Variants in MROH1 observed in about 807,000 individuals in gnomAD.
MROH1 encodes the protein maestro heat like repeat family member 1.
In MROH1, 117 loss-of-function variants were observed where a neutral mutation model predicts 116.5. The observed-to-expected ratio is 1.00, with a 90% CI of 0.86 to 1.17. The LOEUF (loss-of-function observed/expected upper bound fraction) is 1.17, where lower values mean the gene tolerates loss of function less well. MROH1 is among the 50% of genes most tolerant of loss of function. The pLI is 0.00. For missense variants in MROH1, 1,873 were observed against 1,338.5 expected, an observed-to-expected ratio of 1.40 and a Z score of -6.23; for synonymous variants, 921 against 583.9, an observed-to-expected ratio of 1.58 and a Z score of -8.32.
At chr8:144,198,278 T>C (rs1293036788) in intron 10 of MROH1, among the ~76,000 whole-genome samples, 1 of 152,152 alleles carries the variant, frequency 6.6e-6, no homozygotes, top group African/African-American at 2.4e-5. Context: ...AGAGAGACCC[T>C]GTCAGTGCCC....
At chr8:144,208,193 C>T (rs1369087359) in intron 12 of MROH1, among the ~76,000 whole-genome samples, 2 of 152,196 alleles carry the variant, frequency 1.3e-5, no homozygotes, top group East Asian at 1.9e-4. Context: ...ATCCGCCCGC[C>T]TCGGCCTCCC....
At chr8:144,246,369 A>G (rs1466607746) in intron 29 of MROH1, among the ~76,000 whole-genome samples, 3 of 151,850 alleles carry the variant, frequency 2.0e-5, no homozygotes. Flanking sequence ...ACCTCAAGTG[A>G]TCTGCCCACC....
intron 14 of MROH1, among the ~76,000 whole-genome samples, chr8:144,226,551 C>T (rs1460525578): frequency 6.6e-6 from 1 of 152,194 alleles, no homozygotes; most frequent in African/African-American, 2.4e-5. Flanking sequence ...CTCCCAGGTT[C>T]AAGCAATTCT....
intron 14 of MROH1, among the ~76,000 whole-genome samples, chr8:144,232,560 C>G (rs1205000197): frequency 6.6e-6 from 1 of 151,756 alleles, no homozygotes; most frequent in South Asian, 2.1e-4. Context: ...GTGGCGCAAT[C>G]TCAGCTCACG....
At chr8:144,206,998 G>A (rs939572374) in intron 12 of MROH1, among the ~76,000 whole-genome samples, 4 of 150,988 alleles carry the variant, frequency 2.6e-5, no homozygotes, top group Admixed American at 2.6e-4. Context: ...GCATCACTGC[G>A]CTCCAGCCTG....
rs563849839 is a variant in MROH1, at chr8:144,182,905, C to T, written c.562+2382C>T. On this transcript the variant is annotated intron_variant, in intron 7 of 43. Coordinates refer to ENST00000326134, the MANE Select transcript of MROH1 (RefSeq NM_032450.3). The surrounding 1 kb of genome is among the most constrained non-coding windows in gnomAD (Gnocchi z 4.1). ...CAGTCTGGCCAACATGGCAAAACCCCGTCTCTACTAAAAATACAAAAAAAT... is the reference window on the plus strand; with the variant it reads ...CAGTCTGGCCAACATGGCAAAACCCTGTCTCTACTAAAAATACAAAAAAAT... Among the ~76,000 whole-genome samples the T allele has an allele frequency of 6.6e-5, 10 of 152,272 alleles. No individual in the cohort carries two copies. Among genetic ancestry groups the T allele is most frequent in the East Asian group, 3.9e-4 (2 of 5,176 alleles).
At chr8:144,170,734 T>G (rs1822224102) in intron 4 of MROH1, among the ~76,000 whole-genome samples, 1 of 152,236 alleles carries the variant, frequency 6.6e-6, no homozygotes, top group Non-Finnish European at 1.5e-5. Flanking sequence ...TCTGTTTTTA[T>G]GAACCCAGAG....
At chr8:144,244,387 G>T in intron 27 of MROH1, 51 bp downstream of exon 27, 1 of 724,020 alleles carries the variant, frequency 1.4e-6, no homozygotes, top group Non-Finnish European at 2.6e-6. Flanking sequence ...AGTGGTGGGA[G>T]GCCACTGTAG....
chr8:144,149,159 G>T (rs1816133489), intron 1 of MROH1, among the ~76,000 whole-genome samples: 1 of 152,134 alleles, frequency 6.6e-6, no homozygotes, highest in Non-Finnish European at 1.5e-5. Flanking sequence ...TGTGGGAATC[G>T]TTGTTTGCGG....
intron 14 of MROH1, 151 bp from the exon 15 acceptor site, chr8:144,238,605 G>A (rs957693179): frequency 1.1e-5 from 7 of 650,056 alleles, no homozygotes; most frequent in South Asian, 3.4e-5. Flanking sequence ...TGATCTTAGC[G>A]GAGAGTGCCT....
intron 14 of MROH1, among the ~76,000 whole-genome samples, chr8:144,228,927 A>G (rs534370200): frequency 1.3e-5 from 2 of 152,316 alleles, no homozygotes; most frequent in Admixed American, 6.5e-5. Context: ...TGCTTTATCA[A>G]CTAAGTTTAT....
rs114622277 is a variant in MROH1, at chr8:144,229,222, T to G, written c.1338+5992T>G. ...TTTGGAATCAACTTCTTCCAAACTC[T>G]TGTTCATGTTGATTTTGTTGACCTC... On this transcript the variant is annotated intron_variant, in intron 14 of 43. Transcript: ENST00000326134. Among the ~76,000 whole-genome samples, 244 of 152,310 alleles carry G rather than the reference T, an allele frequency of 1.6e-3. 1 individual carries two copies. The highest frequency in any genetic ancestry group is 5.6e-3 in the African/African-American group (234 of 41,562).
At chr8:144,220,040 C>T (rs1399567104) in intron 12 of MROH1, among the ~76,000 whole-genome samples, 1 of 152,202 alleles carries the variant, frequency 6.6e-6, no homozygotes, top group Admixed American at 6.5e-5. Flanking sequence ...CTTGCACTGT[C>T]CCCAGTGTCC....
intron 7 of MROH1, among the ~76,000 whole-genome samples, chr8:144,187,037 G>A (rs1827367162): frequency 6.6e-6 from 1 of 151,622 alleles, no homozygotes; most frequent in Non-Finnish European, 1.5e-5. Flanking sequence ...GTCAGAGGTT[G>A]CAGTGAGCCA....
chr8:144,150,486 T>A (rs1816456252), intron 1 of MROH1, among the ~76,000 whole-genome samples: 1 of 152,168 alleles, frequency 6.6e-6, no homozygotes, highest in South Asian at 2.1e-4. Flanking sequence ...CACTGAGGCT[T>A]GTTGGGGCCG....
intron 14 of MROH1, among the ~76,000 whole-genome samples, chr8:144,234,498 GTTT>G (rs1165164431): frequency 5.5e-5 from 1 of 18,090 alleles, no homozygotes; most frequent in East Asian, 1.3e-3. Context: ...TTTCTTTTTC[GTTT>G]TTTTTTTTTT....
At chr8:144,219,950 T>C (rs1026942187) in intron 12 of MROH1, among the ~76,000 whole-genome samples, 3 of 152,168 alleles carry the variant, frequency 2.0e-5, no homozygotes, top group Non-Finnish European at 2.9e-5. Flanking sequence ...ATCTGTGACA[T>C]TGGGTTGTCG....
chr8:144,222,173 G>A (rs980554498), intron 13 of MROH1, among the ~76,000 whole-genome samples: 6 of 152,170 alleles, frequency 3.9e-5, no homozygotes, highest in Admixed American at 1.3e-4. Flanking sequence ...AGCCCCAGAC[G>A]GAGGGATGGG....
At chr8:144,249,570 T>C (rs1842494236) in intron 32 of MROH1, among the ~76,000 whole-genome samples, 1 of 151,960 alleles carries the variant, frequency 6.6e-6, no homozygotes, top group African/African-American at 2.4e-5. Context: ...TCCCCCAGAG[T>C]GAGGCTCATG....
Sources: allele counts gnomAD v4.1 joint callset (sites outside exome capture counted in the v4.1 genomes callset), GRCh38; gene constraint gnomAD v4.1.1; non-coding constraint Gnocchi (gnomAD v3.1); transcripts MANE v1.5; gene names NCBI Gene and HGNC (gene_info 2026-07-23, HGNC 2026-07-21).